DENND2B: variants seen among roughly 807,000 people sequenced by gnomAD.
DENND2B encodes the protein DENN domain containing 2B, also known as DENN domain-containing protein 2B.
A neutral mutation model predicts 116.0 loss-of-function variants in DENND2B; 32 were observed. That is an observed-to-expected ratio of 0.28 (90% CI 0.21 to 0.37). DENND2B has a LOEUF of 0.37. Ranked by LOEUF, DENND2B falls within the 10% of genes least tolerant of loss-of-function variation. DENND2B has a pLI of 1.00. For synonymous variants in DENND2B, 588 were observed against 583.9 expected, an observed-to-expected ratio of 1.01 and a Z score of -0.10; for missense variants, 1,276 against 1,477.7, an observed-to-expected ratio of 0.86 and a Z score of 2.24.
intron 2 of DENND2B, among the ~76,000 whole-genome samples, chr11:8,878,095 T>A (rs2063863749): frequency 6.6e-6 from 1 of 152,240 alleles, no homozygotes; most frequent in Middle Eastern, 3.4e-3. Flanking sequence ...GGGGAGAAAA[T>A]TTTAAGCCAA....
At chr11:8,737,321 G>A (rs1422366774) in intron 2 of DENND2B, among the ~76,000 whole-genome samples, 3 of 152,318 alleles carry the variant, frequency 2.0e-5, no homozygotes, top group South Asian at 2.1e-4. Flanking sequence ...CAAGGAGACC[G>A]ATTGAGAAGA....
At chr11:8,750,550 A>C (rs2052183983) in intron 2 of DENND2B, 71 bp downstream of exon 2, 1 of 1,307,268 alleles carries the variant, frequency 7.6e-7, no homozygotes, top group East Asian at 2.3e-5. Context: ...ATGACTATTT[A>C]CATTTTGGAG....
Position 8,702,735 on chromosome 11 carries a change from T to C in DENND2B, c.2572-15A>G. 7.4e-7 allele frequency: 1 copy of C among 1,353,456 alleles called. No individual in the cohort carries two copies. The highest frequency in any genetic ancestry group is 1.2e-5 in the South Asian group (1 of 85,270). 83.8% of individuals were successfully genotyped at this position (1,353,456 alleles called of 1,614,324 possible). On this transcript the variant is annotated splice_polypyrimidine_tract_variant and intron_variant, in intron 13 of 19. Transcript: ENST00000313726. This position sits in a 1 kb window ranked among gnomAD's most constrained non-coding sequence, Gnocchi z 4.6. ...AGCTCTAACACCTGCAGGAGAGCGA[T>C]GGGAAAGTGGGCCGGGGCCAGCCAA...
rs1224012089 is a variant in DENND2B at position 8,707,725 on chromosome 11, G to A, written c.2430+52C>T. 2.1e-5 allele frequency: 32 copies of A among 1,547,226 alleles called. No individual in the cohort carries two copies. Among genetic ancestry groups the A allele is most frequent in the Non-Finnish European group, 2.7e-5 (31 of 1,137,880 alleles). ...ATCTAAGCTGGCTGCAGATACTCCT[G>A]TGGGAGCTGTCAGCTGGGGGACGGG... is the stretch of plus-strand genomic sequence containing the variant. On this transcript the variant is annotated intron_variant, in intron 12 of 19. Coordinates refer to ENST00000313726, the MANE Select transcript of DENND2B (RefSeq NM_213618.2). The surrounding 1 kb of genome is among the most constrained non-coding windows in gnomAD (Gnocchi z 4.8).
chr11:8,725,092 G>C (rs905306190), intron 4 of DENND2B, among the ~76,000 whole-genome samples: 2 of 152,194 alleles, frequency 1.3e-5, no homozygotes, highest in African/African-American at 4.8e-5. Context: ...CCAGCACCAT[G>C]AAACTGGGGC....
chr11:8,711,519 G>A (rs896674334), intron 9 of DENND2B, among the ~76,000 whole-genome samples: 4 of 152,006 alleles, frequency 2.6e-5, no homozygotes, highest in South Asian at 4.1e-4. Flanking sequence ...ACACATTCTC[G>A]TCAGCAGAGT....
chr11:8,718,685 G>T (rs899715892), intron 4 of DENND2B: 7 of 1,197,584 alleles, frequency 5.8e-6, no homozygotes, highest in Non-Finnish European at 7.3e-6. Context: ...GCCAAAGGGT[G>T]GGGGTGAGGG....
intron 2 of DENND2B, among the ~76,000 whole-genome samples, chr11:8,864,703 T>C (rs1183097706): frequency 6.6e-6 from 1 of 152,168 alleles, no homozygotes; most frequent in Non-Finnish European, 1.5e-5. Context: ...GCAGGAGATA[T>C]TCAAAAACTA....
chr11:8,757,037 A>C (rs933904459), intron 1 of DENND2B: 1 of 456,220 alleles, frequency 2.2e-6, no homozygotes, highest in Non-Finnish European at 4.4e-6. Context: ...AAGGAATAGA[A>C]TAAGGTACCT....
intron 1 of DENND2B, among the ~76,000 whole-genome samples, chr11:8,791,365 G>A (rs12421360): frequency 1.3e-5 from 2 of 152,062 alleles, no homozygotes; most frequent in Non-Finnish European, 2.9e-5. Context: ...ATCGTATATA[G>A]GATAAGAGAA....
intron 2 of DENND2B, among the ~76,000 whole-genome samples, chr11:8,738,165 C>T (rs2049445788): frequency 6.6e-6 from 1 of 152,182 alleles, no homozygotes. Flanking sequence ...GGACCCAACG[C>T]CCGTCTAAAA....
chr11:8,894,045 C>T (rs2064068168), intron 1 of DENND2B, among the ~76,000 whole-genome samples: 1 of 152,184 alleles, frequency 6.6e-6, no homozygotes, highest in Admixed American at 6.5e-5. Context: ...GGTACCAAAA[C>T]AGAGATCTAG....
upstream of DENND2B, among the ~76,000 whole-genome samples, chr11:8,815,202 C>T (rs1229127950): frequency 1.3e-5 from 2 of 152,014 alleles, no homozygotes; most frequent in South Asian, 2.1e-4. Flanking sequence ...TGGTGCAAGA[C>T]ACTGTGCTTG....
chr11:8,888,769 C>A (rs1594343739), intron 1 of DENND2B, among the ~76,000 whole-genome samples: 2 of 152,202 alleles, frequency 1.3e-5, no homozygotes, highest in African/African-American at 4.8e-5. Context: ...CTTGAATAGA[C>A]ATTTCTCAAA....
intron 3 of DENND2B, among the ~76,000 whole-genome samples, chr11:8,849,309 G>T (rs190074460): frequency 6.6e-6 from 1 of 151,070 alleles, no homozygotes; most frequent in Non-Finnish European, 1.5e-5. Flanking sequence ...CCTGACCAAC[G>T]TGGTGAAACC....
chr11:8,866,118 C>A (rs550854802), intron 2 of DENND2B, among the ~76,000 whole-genome samples: 7 of 152,200 alleles, frequency 4.6e-5, no homozygotes, highest in Non-Finnish European at 1.0e-4. Flanking sequence ...CGCCACCACG[C>A]CCAGCTAATT....
chr11:8,698,972 C>G lies in DENND2B; in HGVS notation c.2901G>C (p.Ala967=). 1 of 1,614,146 alleles carries G rather than the reference C, an allele frequency of 6.2e-7. No individual in the cohort carries two copies. The highest frequency in any genetic ancestry group is 8.5e-7 in the Non-Finnish European group (1 of 1,180,032). ...GGTCAGATCCCAGATTCACCATCAG[C>G]GCCTGAGAAAAGGAGTCATTAGCAG... ...PKLKELPVEE[A]LMVNLGSDRF... Residue 967 remains alanine (A), a splice_region_variant and synonymous_variant, in exon 16 of 20, where the codon GCG becomes GCC. Coordinates refer to ENST00000313726, the MANE Select transcript of DENND2B (RefSeq NM_213618.2).
intron 4 of DENND2B, among the ~76,000 whole-genome samples, chr11:8,819,498 T>C (rs2134539602): frequency 6.6e-6 from 1 of 152,292 alleles, no homozygotes; most frequent in Admixed American, 6.5e-5. Context: ...AACCTCACGG[T>C]GGAGAAATGG....
At chr11:8,757,273 T>C in intron 1 of DENND2B, 2 of 360,730 alleles carry the variant, frequency 5.5e-6, no homozygotes, top group South Asian at 2.1e-5. Context: ...GCTTAAAAAA[T>C]GTTTGTTCTT....
Sources: allele counts gnomAD v4.1 joint callset (sites outside exome capture counted in the v4.1 genomes callset), GRCh38; gene constraint gnomAD v4.1.1; non-coding constraint Gnocchi (gnomAD v3.1); transcripts MANE v1.5; gene names NCBI Gene and HGNC (gene_info 2026-07-23, HGNC 2026-07-21).